Variants in RBM44 observed in about 807,000 individuals in gnomAD.
RBM44 encodes the protein RNA binding motif protein 44, also known as RNA-binding protein 44.
RBM44 carries 66 observed loss-of-function variants against 105.1 expected under a neutral mutation model. The observed-to-expected ratio is 0.63, with a 90% CI of 0.52 to 0.77. RBM44 has a LOEUF of 0.77. Ranked by LOEUF, RBM44 falls within the 30% of genes least tolerant of loss-of-function variation. RBM44 has a pLI of 0.00. For missense variants in RBM44, 1,122 were observed against 1,207.8 expected (o/e 0.93, Z 1.05); for synonymous variants, 365 against 417.6 (o/e 0.87, Z 1.54).
intron 15 of RBM44, among the ~76,000 whole-genome samples, chr2:237,840,006 T>C (rs2061995555): frequency 6.6e-6 from 1 of 152,058 alleles, no homozygotes; most frequent in Non-Finnish European, 1.5e-5. Context: ...CTGGGCAACA[T>C]GGTGAAACCC....
chr2:237,802,039 A>G (rs2061551253), intron 1 of RBM44, among the ~76,000 whole-genome samples: 1 of 152,214 alleles, frequency 6.6e-6, no homozygotes, highest in South Asian at 2.1e-4. Context: ...AACTCCAAAT[A>G]TATTTTTGAG....
intron 15 of RBM44, among the ~76,000 whole-genome samples, chr2:237,840,968 G>T (rs114373465): frequency 0.019 from 2,870 of 152,320 alleles, 41 homozygotes; most frequent in East Asian, 0.056. Context: ...TGCACTGTTG[G>T]TGGGAATGTA....
intron 1 of RBM44, among the ~76,000 whole-genome samples, chr2:237,809,167 T>A (rs1249689366): frequency 6.6e-6 from 1 of 152,162 alleles, no homozygotes; most frequent in African/African-American, 2.4e-5. Context: ...GTCTATATAT[T>A]TTTTTAATAT....
intron 10 of RBM44, among the ~76,000 whole-genome samples, chr2:237,825,120 T>C (rs936882733): frequency 3.3e-5 from 5 of 152,174 alleles, no homozygotes; most frequent in Admixed American, 3.3e-4. Flanking sequence ...ACTATGAATA[T>C]TTTAATGACC....
rs1275904419 is a variant in RBM44 at position 237,817,473 on chromosome 2, A to G, written c.554A>G (p.Gln185Arg). ...AAGCATGATACAGATGAAGACTCAC[A>G]GCAGGAATATCACAGTGCAGAAGAA... ...TQKHDTDEDS[Q>R]QEYHSAEEQE... is the part of the protein sequence containing the mutation. The change falls in exon 3 of 16, where the codon CAG (glutamine) becomes CGG (arginine). Residue 185 changes from glutamine (Q) to arginine (R), a missense_variant. Coordinates refer to ENST00000316997, the MANE Select transcript of RBM44 (RefSeq NM_001080504.3). The G allele has an allele frequency of 6.2e-7, 1 of 1,602,902 alleles. No homozygotes were observed. Among genetic ancestry groups the G allele is most frequent in the Non-Finnish European group, 8.5e-7 (1 of 1,173,924 alleles).
intron 8 of RBM44, 110 bp from the exon 9 acceptor site, chr2:237,823,330 G>A (rs527773554): frequency 7.2e-6 from 4 of 557,362 alleles, no homozygotes; most frequent in African/African-American, 3.8e-5. Context: ...TCCTTTCAGA[G>A]CCCTCATTAC....
In RBM44 at chr2:237,817,059, T is replaced by G. The variant is rs1233853775; in HGVS notation, c.140T>G (p.Leu47Trp). The G allele has an allele frequency of 6.3e-7, 1 of 1,595,910 alleles. No homozygotes were observed. Among genetic ancestry groups the G allele is most frequent in the East Asian group, 2.2e-5 (1 of 44,730 alleles). ...LSSNGCDEVK[L>W]TFPDDDWNSS... ...TCCAATGGTTGTGATGAAGTCAAAT[T>G]GACTTTTCCTGATGATGACTGGAAT... Residue 47 changes from leucine (L) to tryptophan (W), a missense_variant, in exon 3 of 16, where the codon TTG (leucine) becomes TGG (tryptophan). Leu to Trp is a moderately conservative substitution (Grantham distance 61, BLOSUM62 -2). Coordinates refer to ENST00000316997, the MANE Select transcript of RBM44 (RefSeq NM_001080504.3).
In RBM44 at chr2:237,834,023, T is replaced by G; in HGVS notation, c.2913T>G (p.Ile971Met). Residue 971 changes from isoleucine (I) to methionine (M), a missense_variant, in exon 14 of 16, where the codon ATT becomes ATG. By Grantham distance (10) the Ile-to-Met change is conservative. Coordinates refer to ENST00000316997, the MANE Select transcript of RBM44 (RefSeq NM_001080504.3). ...DQGVKKNCKQ[I>M]ESAKLLPDTP... ...GTGTCAAGAAGAATTGTAAGCAGAT[T>G]GAATCTGCTAAATTATTACCTGATA... 1 of 1,559,866 alleles carries G rather than the reference T, an allele frequency of 6.4e-7. No homozygotes were observed. The highest frequency in any genetic ancestry group is 8.7e-7 in the Non-Finnish European group (1 of 1,150,356).
At chr2:237,823,813 T>C (rs894162273) in intron 9 of RBM44, among the ~76,000 whole-genome samples, 2 of 152,284 alleles carry the variant, frequency 1.3e-5, no homozygotes, top group African/African-American at 4.8e-5. Flanking sequence ...TTCTCTCTTG[T>C]ATCTAATTTG....
At chr2:237,832,436 G>A (rs555852939) in intron 13 of RBM44, among the ~76,000 whole-genome samples, 9 of 152,184 alleles carry the variant, frequency 5.9e-5, no homozygotes, top group Non-Finnish European at 1.3e-4. Context: ...TTACAGGTGT[G>A]AGCCACCACA....
At chr2:237,839,556 A>C (rs1304613988) in intron 15 of RBM44, among the ~76,000 whole-genome samples, 1 of 152,202 alleles carries the variant, frequency 6.6e-6, no homozygotes, top group African/African-American at 2.4e-5. Context: ...GGCATGAGCC[A>C]CTGCGCCCGG....
chr2:237,818,126 G>A lies in RBM44; in HGVS notation c.1207G>A (p.Ala403Thr). The change falls in exon 3 of 16, where the codon GCT (alanine) becomes ACT (threonine). Residue 403 changes from alanine (A) to threonine (T), a missense_variant. Ala to Thr is a moderately conservative substitution (Grantham distance 58). This residue lies in a region of RBM44 where 918 missense variants were observed against 955.3 expected (regional missense o/e 0.96). Coordinates refer to ENST00000316997, the MANE Select transcript of RBM44 (RefSeq NM_001080504.3). The surrounding 1 kb of genome is among the most constrained non-coding windows in gnomAD (Gnocchi z 4.6). ...CGYYESLQNT[A>T]DSALDFSAML... ...ATATTATGAAAGCCTACAAAACACT[G>A]CTGACTCAGCCTTAGATTTTTCTGC... The A allele has an allele frequency of 6.2e-7, 1 of 1,613,112 alleles. No individual in the cohort carries two copies.
intron 12 of RBM44, among the ~76,000 whole-genome samples, chr2:237,828,742 T>C (rs1205522908): frequency 6.6e-6 from 1 of 152,182 alleles, no homozygotes; most frequent in East Asian, 1.9e-4. Context: ...TCTTTGTTTT[T>C]GTCTGTATAT....
chr2:237,806,201 CATA>C (rs750389195), intron 1 of RBM44, among the ~76,000 whole-genome samples: 1 of 151,970 alleles, frequency 6.6e-6, no homozygotes, highest in Non-Finnish European at 1.5e-5. Context: ...CTGTAGATAC[CATA>C]ATAATGTTCC....
chr2:237,820,204 A>G lies in RBM44; in HGVS notation c.1766A>G (p.Lys589Arg), dbSNP rs372163034. The part of the protein sequence containing the change: ...REFQLFKDTE[K>R]DLPSMCCQKI... Reference sequence around the variant, plus strand: ...TTTCAACTTTTTAAAGATACAGAGAAGGATTTGCCATCAATGTGCTGTCAG... The same window carrying G: ...TTTCAACTTTTTAAAGATACAGAGAGGGATTTGCCATCAATGTGCTGTCAG... The change falls in exon 5 of 16, where the codon AAG (lysine) becomes AGG (arginine). Residue 589 changes from lysine to arginine, a missense_variant. Lys to Arg is a conservative substitution (Grantham distance 26). Around this residue, in one of 3 missense-constraint regions of RBM44, gnomAD observed 918 missense variants for 955.3 expected, o/e 0.96. Coordinates refer to ENST00000316997, the MANE Select transcript of RBM44 (RefSeq NM_001080504.3). 3.1e-5 allele frequency: 48 copies of G among 1,557,564 alleles called. No individual in the cohort carries two copies. The highest frequency in any genetic ancestry group is 3.8e-5 in the Non-Finnish European group (44 of 1,152,046).
rs73086770 is a variant in RBM44 at position 237,817,190 on chromosome 2, A to G, written c.271A>G (p.Ser91Gly). 10,250 of 1,602,184 alleles carry G rather than the reference A, an allele frequency of 6.4e-3. 457 individuals are homozygous for G. In the African/African-American group the frequency reaches 0.11, roughly 17 times the overall value. ...FSVSQDTNTE[S>G]TQFQSSELED... ...AGTGAGTCAAGATACTAACACAGAG[A>G]GTACTCAGTTTCAGTCAAGTGAACT... The change falls in exon 3 of 16, where the codon AGT (serine) becomes GGT (glycine). Residue 91 changes from serine (S) to glycine (G), a missense_variant. Physicochemically the swap from Ser to Gly is moderately conservative, Grantham distance 56. Coordinates refer to ENST00000316997, the MANE Select transcript of RBM44 (RefSeq NM_001080504.3).
In RBM44 at chr2:237,803,331, TCA is replaced by T. The variant is rs368401530; in HGVS notation, c.-19+4483_-19+4484del. 1.5e-4 allele frequency among the ~76,000 whole-genome samples: 23 copies of T among 150,492 alleles called. No homozygotes were observed. Among genetic ancestry groups the T allele is most frequent in the African/African-American group, 4.6e-4 (19 of 41,016 alleles). ...CACACACACACACATACTCTCTCTC[TCA>T]CACACACACACATACTTTCTCTCTC... On this transcript the variant is annotated intron_variant, in intron 1 of 15. Coordinates refer to ENST00000316997, the MANE Select transcript of RBM44 (RefSeq NM_001080504.3). This position sits in a 1 kb window ranked among gnomAD's most constrained non-coding sequence, Gnocchi z 4.2.
At chr2:237,836,421 C>G (rs913254478) in intron 15 of RBM44, among the ~76,000 whole-genome samples, 2 of 152,130 alleles carry the variant, frequency 1.3e-5, no homozygotes, top group African/African-American at 4.8e-5. Context: ...ATCCTCCTGC[C>G]TCAGTCTCCT....
chr2:237,815,139 T>G (rs1397588833), intron 2 of RBM44, among the ~76,000 whole-genome samples: 4 of 152,180 alleles, frequency 2.6e-5, no homozygotes, highest in African/African-American at 9.7e-5. Context: ...AGCAAGACCC[T>G]GTCTCTTAAA....
Sources: gnomAD v4.1 joint callset for allele counts (sites outside exome capture counted in the v4.1 genomes callset) on GRCh38, gnomAD v4.1.1 for gene constraint, gnomAD v4.1.1 regional missense constraint, Gnocchi (gnomAD v3.1) non-coding constraint, MANE v1.5 for transcripts, NCBI Gene and HGNC (gene_info 2026-07-23, HGNC 2026-07-21) for gene names.